The following HYDIN variants were observed in gnomAD, a reference collection of about 807,000 sequenced individuals.
The protein encoded by HYDIN is HYDIN axonemal central pair apparatus protein.
Under a neutral mutation model 403.9 loss-of-function variants are expected in HYDIN, and 132 were observed. That is an observed-to-expected ratio of 0.33 (90% CI 0.28 to 0.38). The LOEUF is 0.38. Among genes scored for constraint, HYDIN ranks in the 10% least tolerant of loss-of-function variants. HYDIN has a pLI of 1.00. For synonymous variants in HYDIN, 1,202 were observed against 1,891.7 expected (o/e 0.64, Z 9.46); for missense variants, 2,827 against 5,009.5 (o/e 0.56, Z 13.15).
intron 3 of HYDIN, among the ~76,000 whole-genome samples, chr16:71,179,339 G>GA (rs11415972): frequency 0.11 from 14,924 of 136,050 alleles, 2,371 homozygotes; most frequent in African/African-American, 0.36. Context: ...TTTAAATCCT[G>GA]AAAAAAAAAA....
At chr16:70,870,929 G>T (rs1270605152) in intron 65 of HYDIN, among the ~76,000 whole-genome samples, 1 of 151,720 alleles carries the variant, frequency 6.6e-6, no homozygotes, top group Non-Finnish European at 1.5e-5. Context: ...TACTTGGGGG[G>T]CTGAGGTGGG....
At chr16:70,815,491 A>G (rs532135436) in intron 84 of HYDIN, among the ~76,000 whole-genome samples, 43 of 151,192 alleles carry the variant, frequency 2.8e-4, no homozygotes, top group African/African-American at 9.7e-4. Flanking sequence ...AAGGTCACAG[A>G]AAGGTTGAAA....
chr16:71,140,089 T>C (rs1427158510), intron 7 of HYDIN, among the ~76,000 whole-genome samples: 1 of 137,836 alleles, frequency 7.3e-6, no homozygotes, highest in Non-Finnish European at 1.6e-5. Context: ...TGGAATGATA[T>C]CTTCAATATG....
chr16:71,034,288 G>A (rs2081014658), intron 18 of HYDIN, among the ~76,000 whole-genome samples: 1 of 151,790 alleles, frequency 6.6e-6, no homozygotes, highest in Non-Finnish European at 1.5e-5. Flanking sequence ...AACACATGTA[G>A]CTCTATGGGG....
At chr16:70,960,045 C>G (rs2078364541) in intron 38 of HYDIN, among the ~76,000 whole-genome samples, 1 of 152,192 alleles carries the variant, frequency 6.6e-6, no homozygotes, top group African/African-American at 2.4e-5. Context: ...TTTGACCCCA[C>G]TTTCATTTTG....
intron 13 of HYDIN, among the ~76,000 whole-genome samples, chr16:71,069,785 T>C (rs1480577886): frequency 6.6e-6 from 1 of 152,240 alleles, no homozygotes; most frequent in Non-Finnish European, 1.5e-5. Flanking sequence ...AACAAGCCCC[T>C]TGATTGCCAC....
intron 7 of HYDIN, among the ~76,000 whole-genome samples, chr16:71,145,421 A>AT (rs1170148721): frequency 5.3e-5 from 8 of 152,076 alleles, no homozygotes; most frequent in Non-Finnish European, 1.2e-4. Flanking sequence ...CACCCAGCTA[A>AT]TTTTTGTATT....
intron 7 of HYDIN, among the ~76,000 whole-genome samples, chr16:71,144,945 C>T (rs1476514658): frequency 6.6e-6 from 1 of 152,274 alleles, no homozygotes; most frequent in Non-Finnish European, 1.5e-5. Flanking sequence ...TTTCAAACAG[C>T]TGCAGAAAGT....
intron 83 of HYDIN, among the ~76,000 whole-genome samples, chr16:70,819,850 C>T (rs957198502): frequency 1.7e-4 from 26 of 152,102 alleles, no homozygotes; most frequent in Admixed American, 1.6e-3. Flanking sequence ...CTCTGTCACC[C>T]GGACTGGAGT....
chr16:71,097,977 A>C (rs2083324037), intron 10 of HYDIN, among the ~76,000 whole-genome samples: 1 of 152,138 alleles, frequency 6.6e-6, no homozygotes, highest in Admixed American at 6.5e-5. Context: ...TCCCCGTTAA[A>C]TGTCCGTTAA....
intron 25 of HYDIN, among the ~76,000 whole-genome samples, chr16:70,989,585 A>G (rs112477786): frequency 3.1e-4 from 47 of 152,292 alleles, no homozygotes; most frequent in African/African-American, 8.9e-4. Flanking sequence ...CAGTTGACCT[A>G]ATATGAGTGC....
intron 1 of HYDIN, among the ~76,000 whole-genome samples, chr16:71,223,716 A>G (rs1464209201): frequency 1.3e-5 from 2 of 152,242 alleles, no homozygotes; most frequent in Non-Finnish European, 2.9e-5. Context: ...AACAGCCAAC[A>G]AATATGAAAA....
intron 41 of HYDIN, among the ~76,000 whole-genome samples, chr16:70,949,495 A>G (rs1465632678): frequency 6.6e-6 from 1 of 152,208 alleles, no homozygotes; most frequent in Non-Finnish European, 1.5e-5. Context: ...AAAAAACCCA[A>G]AAGATCAGGA....
chr16:71,163,767 C>T (rs1243176562), intron 5 of HYDIN, among the ~76,000 whole-genome samples: 1 of 152,198 alleles, frequency 6.6e-6, no homozygotes, highest in African/African-American at 2.4e-5. Flanking sequence ...TGAGAGGGCC[C>T]AGGCAACACC....
intron 45 of HYDIN, among the ~76,000 whole-genome samples, chr16:70,923,484 A>G (rs1235578021): frequency 9.0e-6 from 1 of 111,074 alleles, no homozygotes; most frequent in Non-Finnish European, 1.9e-5. Flanking sequence ...AAAAAAAAAA[A>G]AAAAAGAAAG....
chr16:71,039,444 C>G (rs1168388241), intron 18 of HYDIN, among the ~76,000 whole-genome samples: 3 of 152,156 alleles, frequency 2.0e-5, no homozygotes, highest in East Asian at 1.9e-4. Flanking sequence ...TACCTTTAAG[C>G]TGAAAAGCCG....
intron 42 of HYDIN, among the ~76,000 whole-genome samples, chr16:70,943,364 A>G (rs2077741342): frequency 1.3e-5 from 2 of 152,246 alleles, no homozygotes; most frequent in African/African-American, 4.8e-5. Context: ...GTTAACATGT[A>G]TTTTAAAAGT....
Position 70,855,294 on chromosome 16 carries a change from C to T in HYDIN, c.12296-19G>A. The T allele has an allele frequency of 4.0e-6, 6 of 1,490,502 alleles. No individual in the cohort carries two copies. The highest frequency in any genetic ancestry group is 2.0e-4 in the Middle Eastern group (1 of 5,118). The allele number at this position is 1,490,502 out of a possible 1,614,324, so 92.3% of individuals were successfully genotyped here. A position where few individuals can be genotyped will look rare whatever the true frequency, so the allele number is the denominator to read the frequency against. On this transcript the variant is annotated intron_variant, in intron 72 of 85. Coordinates refer to ENST00000393567, the MANE Select transcript of HYDIN (RefSeq NM_001270974.2). ...TCTCTGCCTGAGGAGGAAACACCAGCCCTTAGTGGGGGCCTCCTGACTGCC... is the reference window on the plus strand; with the variant it reads ...TCTCTGCCTGAGGAGGAAACACCAGTCCTTAGTGGGGGCCTCCTGACTGCC...
intron 78 of HYDIN, among the ~76,000 whole-genome samples, chr16:70,834,980 A>ATATATACACACACATATATGTGTG (rs1555539567): frequency 3.6e-4 from 46 of 128,620 alleles, no homozygotes; most frequent in African/African-American, 1.9e-3. Context: ...ATGTGTGTAT[A>ATATATACACACACATATATGTGTG]TATATATATA....
Sources: allele counts gnomAD v4.1 joint callset (sites outside exome capture counted in the v4.1 genomes callset), GRCh38; gene constraint gnomAD v4.1.1; transcripts MANE v1.5; gene names NCBI Gene and HGNC (gene_info 2026-07-23, HGNC 2026-07-21).